Variants in ZFHX4 observed in about 807,000 individuals in gnomAD.
The protein encoded by ZFHX4 is zinc finger homeobox protein 4.
Under a neutral mutation model 267.6 loss-of-function variants are expected in ZFHX4, and 56 were observed. The ratio of observed to expected loss-of-function variants is 0.21; its 90% CI spans 0.17 to 0.26. The LOEUF (loss-of-function observed/expected upper bound fraction) is 0.26. Among genes scored for constraint, ZFHX4 ranks in the 10% least tolerant of loss-of-function variants. The pLI is 1.00. For synonymous variants in ZFHX4, 1,778 were observed against 1,665.6 expected, an observed-to-expected ratio of 1.07 and a Z score of -1.64; for missense variants, 4,332 against 4,420.0, an observed-to-expected ratio of 0.98 and a Z score of 0.56.
chr8:76,688,650 A>C (rs1225779738), intron 1 of ZFHX4, among the ~76,000 whole-genome samples: 2 of 152,160 alleles, frequency 1.3e-5, no homozygotes, highest in Non-Finnish European at 2.9e-5. Flanking sequence ...GCATTAGGAC[A>C]GTTAAAATAC....
chr8:76,814,049 T>G (rs1174648511), intron 4 of ZFHX4, among the ~76,000 whole-genome samples: 1 of 152,182 alleles, frequency 6.6e-6, no homozygotes, highest in South Asian at 2.1e-4. Context: ...CATGCTATTC[T>G]TCCGTAACAT....
At chr8:76,811,759 T>C (rs1811383743) in intron 4 of ZFHX4, among the ~76,000 whole-genome samples, 1 of 152,168 alleles carries the variant, frequency 6.6e-6, no homozygotes, top group Non-Finnish European at 1.5e-5. Flanking sequence ...TACATATGTA[T>C]ACAAAGTTAT....
At chr8:76,805,013 C>A (rs1168817275) in intron 4 of ZFHX4, among the ~76,000 whole-genome samples, 1 of 152,098 alleles carries the variant, frequency 6.6e-6, no homozygotes, top group Non-Finnish European at 1.5e-5. Context: ...GCAGCCTCCA[C>A]ATGCAGGTGA....
intron 3 of ZFHX4, among the ~76,000 whole-genome samples, chr8:76,748,456 T>G (rs1231669550): frequency 6.6e-6 from 1 of 152,240 alleles, no homozygotes; most frequent in Non-Finnish European, 1.5e-5. Context: ...AGTTTTTTTG[T>G]TGACAAGATC....
At chr8:76,739,288 C>G (rs1475312575) in intron 3 of ZFHX4, among the ~76,000 whole-genome samples, 2 of 152,072 alleles carry the variant, frequency 1.3e-5, no homozygotes, top group Non-Finnish European at 2.9e-5. Context: ...TATTCTTAAG[C>G]CTTTATTTTT....
intron 4 of ZFHX4, among the ~76,000 whole-genome samples, chr8:76,801,060 G>A (rs962711634): frequency 3.3e-5 from 5 of 151,986 alleles, no homozygotes; most frequent in Non-Finnish European, 7.4e-5. Flanking sequence ...AGCAGTTTCC[G>A]ATGGCCAAAA....
At chr8:76,850,001 T>A in intron 8 of ZFHX4, 1 of 571,062 alleles carries the variant, frequency 1.8e-6, no homozygotes, top group Non-Finnish European at 3.1e-6. Flanking sequence ...TCAAACTTGC[T>A]TCATTATCAT....
rs773458847 is a variant in ZFHX4, at chr8:76,851,583, C to T, written c.4662C>T (p.Asn1554=). The part of the protein sequence containing the change: ...TVCKESFTQK[N]ILLVHYNSVS... ...GTAAAGAGTCATTCACCCAAAAGAA[C>T]ATTCTCTTGGTCCACTATAATTCAG... Residue 1554 remains asparagine, a synonymous_variant, in exon 10 of 11, where the codon AAC becomes AAT. Coordinates refer to ENST00000651372, the MANE Select transcript of ZFHX4 (RefSeq NM_024721.5). The T allele has an allele frequency of 1.2e-6, 2 of 1,613,898 alleles. No homozygotes were observed. The highest frequency in any genetic ancestry group is 1.7e-5 in the Admixed American group (1 of 60,018).
rs1053698899 is a variant in ZFHX4, at chr8:76,745,295, AT to A, written c.3094-32906del. Among the ~76,000 whole-genome samples the A allele has an allele frequency of 2.6e-5, 4 of 152,052 alleles. No individual in the cohort carries two copies. In the East Asian group the frequency reaches 5.8e-4, roughly 22 times the overall value. ...AAATGGACATTAGTTGGAAAGCTAT[AT>A]TTTTTTGCCTGTGCTCACAGTAAAG... On this transcript the variant is annotated intron_variant, in intron 3 of 10. Transcript: ENST00000651372.
intron 8 of ZFHX4, chr8:76,849,973 C>T (rs1267664773): frequency 3.5e-6 from 2 of 574,972 alleles, no homozygotes; most frequent in Non-Finnish European, 6.1e-6. Context: ...CAAATAACCC[C>T]AGTGGGCACC....
intron 4 of ZFHX4, among the ~76,000 whole-genome samples, chr8:76,788,224 T>C (rs183081567): frequency 2.9e-4 from 44 of 152,290 alleles, no homozygotes; most frequent in Non-Finnish European, 4.7e-4. Context: ...GCTCATAGTC[T>C]TCTCACATTC....
rs975706561 is a variant in ZFHX4 at position 76,702,857 on chromosome 8, T to C, written c.-46-1186T>C. Among the ~76,000 whole-genome samples the C allele has an allele frequency of 3.3e-5, 5 of 152,216 alleles. No individual in the cohort carries two copies. The South Asian group carries it at 6.2e-4, about 19-fold the overall frequency. The stretch of plus-strand genomic sequence containing the variant: ...AAACACAAGTTTCAGACCACTCCAT[T>C]GTTGTGTACAGTGCCATCATTCTGC... On this transcript the variant is annotated intron_variant, in intron 1 of 10. Coordinates refer to ENST00000651372, the MANE Select transcript of ZFHX4 (RefSeq NM_024721.5).
chr8:76,701,560 T>A (rs1390682558), intron 1 of ZFHX4, among the ~76,000 whole-genome samples: 1 of 152,194 alleles, frequency 6.6e-6, no homozygotes, highest in African/African-American at 2.4e-5. Flanking sequence ...AACATTGAGA[T>A]GATACATTGC....
At chr8:76,764,093 TCTC>T (rs1809989368) in intron 3 of ZFHX4, among the ~76,000 whole-genome samples, 1 of 152,162 alleles carries the variant, frequency 6.6e-6, no homozygotes, top group African/African-American at 2.4e-5. Context: ...GCATTGGTCA[TCTC>T]CTATATAAAA....
Position 76,704,836 on chromosome 8 carries a change from T to C in ZFHX4, c.748T>C (p.Ser250Pro), listed in dbSNP as rs555478805. 1 of 1,614,134 alleles carries C rather than the reference T, an allele frequency of 6.2e-7. No homozygotes were observed. The highest frequency in any genetic ancestry group is 8.5e-7 in the Non-Finnish European group (1 of 1,180,008). The change falls in exon 2 of 11, where the codon TCC (serine) becomes CCC (proline). Residue 250 changes from serine (S) to proline (P), a missense_variant. Coordinates refer to ENST00000651372, the MANE Select transcript of ZFHX4 (RefSeq NM_024721.5). ...AACCAGTGATGGCTCAGCCAAAAAC[T>C]CCTGTGTGTCCAAAGATGTCCCTAA... The part of the protein sequence containing the change: ...YLTSDGSAKN[S>P]CVSKDVPNNV...
intron 3 of ZFHX4, among the ~76,000 whole-genome samples, chr8:76,752,325 T>C (rs1288162122): frequency 6.6e-6 from 1 of 150,450 alleles, no homozygotes; most frequent in Admixed American, 6.6e-5. Flanking sequence ...AACAGTGACT[T>C]AAAAGAGTAT....
At chr8:76,846,767 A>G (rs887686495) in intron 6 of ZFHX4, among the ~76,000 whole-genome samples, 1 of 152,142 alleles carries the variant, frequency 6.6e-6, no homozygotes, top group African/African-American at 2.4e-5. Flanking sequence ...CACATTATAT[A>G]TGCTTATGGA....
chr8:76,705,917 G>T lies in ZFHX4; in HGVS notation c.1829G>T (p.Gly610Val). Residue 610 changes from glycine to valine, a missense_variant, in exon 2 of 11, where the codon GGC (glycine) becomes GTC (valine). Gly to Val is a moderately radical substitution (Grantham distance 109). This residue lies in a region of ZFHX4 where 1,195 missense variants were observed against 1,173.6 expected (regional missense o/e 1.02). Transcript: ENST00000651372. Reference protein sequence around the residue: ...TPGPGGDGSPGSGIECPKCDT... With the variant: ...TPGPGGDGSPVSGIECPKCDT... The stretch of plus-strand genomic sequence containing the variant: ...GGGCCTGGAGGAGACGGCTCACCGG[G>T]CAGTGGCATCGAGTGTCCAAAGTGC... The T allele has an allele frequency of 6.2e-7, 1 of 1,613,630 alleles. No individual in the cohort carries two copies.
At chr8:76,794,899 G>T (rs961267080) in intron 4 of ZFHX4, among the ~76,000 whole-genome samples, 1 of 151,966 alleles carries the variant, frequency 6.6e-6, no homozygotes, top group South Asian at 2.1e-4. Flanking sequence ...GTGTGTGTGT[G>T]TGTGTGTGTG....
Sources: allele counts gnomAD v4.1 joint callset (sites outside exome capture counted in the v4.1 genomes callset), GRCh38; gene constraint gnomAD v4.1.1; regional missense constraint gnomAD v4.1.1; transcripts MANE v1.5; gene names NCBI Gene and HGNC (gene_info 2026-07-23, HGNC 2026-07-21).